Variants in TUSC3 observed in about 807,000 individuals in gnomAD.
TUSC3 encodes the protein tumor suppressor candidate 3, also known as dolichyl-diphosphooligosaccharide--protein glycosyltransferase subunit TUSC3.
A neutral mutation model predicts 44.8 loss-of-function variants in TUSC3; 45 were observed. That is an observed-to-expected ratio of 1.00 (90% confidence interval 0.79 to 1.29). The LOEUF (loss-of-function observed/expected upper bound fraction) is 1.29, where lower values mean the gene tolerates loss of function less well. Among genes scored for constraint, TUSC3 ranks in the 50% most tolerant of loss-of-function variants. The probability of loss-of-function intolerance (pLI) is 0.00; values close to 1 mark genes in which losing one functional copy is unlikely to be tolerated. For missense variants in TUSC3, 519 were observed against 437.9 expected (o/e 1.19, Z -1.65); for synonymous variants, 212 against 152.9 (o/e 1.39, Z -2.85).
At chr8:15,830,287 T>C in the TUSC3 span, among the ~76,000 whole-genome samples, 1 of 152,226 alleles carries the variant, frequency 6.6e-6, no homozygotes, top group African/African-American at 2.4e-5. Context: ...ACATAATCTC[T>C]TTAAGTCTCA....
chr8:15,681,464 G>A (rs1289117288), intron 6 of TUSC3, among the ~76,000 whole-genome samples: 1 of 151,514 alleles, frequency 6.6e-6, no homozygotes, highest in African/African-American at 2.4e-5. Context: ...GTGCAACAAG[G>A]TATTAATATA....
chr8:15,451,855 G>T (rs1476997595), intron 1 of TUSC3, among the ~76,000 whole-genome samples: 1 of 152,042 alleles, frequency 6.6e-6, no homozygotes, highest in Non-Finnish European at 1.5e-5. Context: ...ATTGCTTTGT[G>T]TGGGGGAAAA....
chr8:15,753,726 A>T (rs1192417035), intron 9 of TUSC3, among the ~76,000 whole-genome samples: 3 of 152,062 alleles, frequency 2.0e-5, no homozygotes, highest in African/African-American at 7.2e-5. Context: ...CTGCCTGACA[A>T]ACATCGAAAA....
intron 1 of TUSC3, among the ~76,000 whole-genome samples, chr8:15,428,909 A>G (rs909592109): frequency 2.0e-5 from 3 of 152,064 alleles, no homozygotes; most frequent in African/African-American, 7.2e-5. Flanking sequence ...AATTTCTCCC[A>G]TTCTGTAGGT....
chr8:15,836,143 TA>T, the TUSC3 span, among the ~76,000 whole-genome samples: 1 of 135,630 alleles, frequency 7.4e-6, no homozygotes, highest in African/African-American at 2.7e-5. Flanking sequence ...ATTATAAAAT[TA>T]TTTTTTTTTG....
intron 1 of TUSC3, among the ~76,000 whole-genome samples, chr8:15,555,986 A>T (rs1408590178): frequency 6.6e-6 from 1 of 150,998 alleles, no homozygotes; most frequent in Non-Finnish European, 1.5e-5. Flanking sequence ...AATCAATTTT[A>T]TTTTTTATTT....
Position 15,462,567 on chromosome 8 carries a change from C to A in TUSC3, n.92-20819C>A, listed in dbSNP as rs113038218. On this transcript the variant is annotated intron_variant and non_coding_transcript_variant, in intron 1 of 5. Transcript: ENST00000503191. ...AAATTCATTTTCAGAATTTGGGAAG[C>A]TTTCCTGCCTTAAAGTGCACTATTT... 7.1e-4 allele frequency among the ~76,000 whole-genome samples: 108 copies of A among 152,114 alleles called. 1 individual carries two copies. The highest frequency in any genetic ancestry group is 2.4e-3 in the African/African-American group (100 of 41,538).
intron 7 of TUSC3, among the ~76,000 whole-genome samples, chr8:15,738,827 CTTTT>C (rs375655033): frequency 3.4e-5 from 3 of 87,172 alleles, no homozygotes; most frequent in Admixed American, 3.1e-4. Context: ...ATATATCTTG[CTTTT>C]TTTTTTTTTT....
At chr8:15,757,177 A>G (rs760396434) in intron 9 of TUSC3, among the ~76,000 whole-genome samples, 45 of 152,166 alleles carry the variant, frequency 3.0e-4, no homozygotes, top group Non-Finnish European at 4.9e-4. Flanking sequence ...CGCAGTTCCA[A>G]TTCTAAGCTG....
At position 15,659,997 on chromosome 8, in the gene TUSC3, A is replaced by G. The variant is rs80125478; in HGVS notation, c.567+350A>G. Among the ~76,000 whole-genome samples the G allele has an allele frequency of 5.0e-3, 765 of 152,190 alleles. 19 individuals carry two copies. In the East Asian group the frequency reaches 0.074, roughly 15 times the overall value. On this transcript the variant is annotated intron_variant, in intron 4 of 10. Transcript: ENST00000503731. ...TAATCTATCTTTTGGTCAAACAGAA[A>G]AGGTTAATACCCACCTTAAAGCTAC...
intron 1 of TUSC3, among the ~76,000 whole-genome samples, chr8:15,564,793 C>T (rs1278107653): frequency 6.6e-6 from 1 of 152,038 alleles, no homozygotes; most frequent in East Asian, 1.9e-4. Context: ...CACGCTTGTG[C>T]TGGAGTGTCC....
intron 7 of TUSC3, among the ~76,000 whole-genome samples, chr8:15,736,959 A>G (rs1264638081): frequency 6.6e-6 from 1 of 152,188 alleles, no homozygotes; most frequent in Non-Finnish European, 1.5e-5. Context: ...ATGACATGAA[A>G]TAAATATTAG....
At chr8:15,706,901 C>G (rs1403218588) in intron 6 of TUSC3, among the ~76,000 whole-genome samples, 2 of 151,812 alleles carry the variant, frequency 1.3e-5, no homozygotes, top group African/African-American at 4.8e-5. Context: ...TTGTAGGGCG[C>G]AAGAAGTTCA....
chr8:15,586,584 A>G (rs1803613393), intron 1 of TUSC3, among the ~76,000 whole-genome samples: 1 of 152,146 alleles, frequency 6.6e-6, no homozygotes, highest in Non-Finnish European at 1.5e-5. Flanking sequence ...CTAGATCAGG[A>G]GCGCTAGAGG....
intron 1 of TUSC3, among the ~76,000 whole-genome samples, chr8:15,541,376 T>G (rs1801685931): frequency 6.6e-6 from 1 of 152,246 alleles, no homozygotes; most frequent in Non-Finnish European, 1.5e-5. Flanking sequence ...TTCGGGAATG[T>G]GACTAGGGTT....
chr8:15,747,810 T>TC (rs1811486160), intron 8 of TUSC3, among the ~76,000 whole-genome samples: 1 of 152,098 alleles, frequency 6.6e-6, no homozygotes, highest in Admixed American at 6.6e-5. Context: ...GGGAGTTTTC[T>TC]CCCCTCTGGT....
Position 15,423,992 on chromosome 8 carries a change from T to G in TUSC3, n.91+6687T>G, listed in dbSNP as rs1288587122. ...TTGTTTTTTTTTTTTTTTTTTTTTTTTTTTTTTTTTTTTTTGAGAAGGAGT... is the reference window on the plus strand; with the variant it reads ...TTGTTTTTTTTTTTTTTTTTTTTTTGTTTTTTTTTTTTTTTGAGAAGGAGT... On this transcript the variant is annotated intron_variant and non_coding_transcript_variant, in intron 1 of 5. Transcript: ENST00000503191. Among the ~76,000 whole-genome samples the G allele has an allele frequency of 1.4e-3, 194 of 134,154 alleles. 14 individuals are homozygous for G. The highest frequency in any genetic ancestry group is 4.8e-3 in the African/African-American group (178 of 37,248). The allele number at this position is 134,154 out of a possible 152,430, so 88.0% of individuals were successfully genotyped here.
chr8:15,469,055 A>C (rs1453488579), intron 1 of TUSC3, among the ~76,000 whole-genome samples: 1 of 152,194 alleles, frequency 6.6e-6, no homozygotes, highest in Non-Finnish European at 1.5e-5. Context: ...GTCAGAATAA[A>C]AACGAGAAGG....
At chr8:15,811,768 T>G in the TUSC3 span, among the ~76,000 whole-genome samples, 1 of 152,172 alleles carries the variant, frequency 6.6e-6, no homozygotes, top group Non-Finnish European at 1.5e-5. Context: ...GATAATATAG[T>G]AAAGGTTAAA....
Sources: gnomAD v4.1 joint callset for allele counts (sites outside exome capture counted in the v4.1 genomes callset) on GRCh38, gnomAD v4.1.1 for gene constraint, MANE v1.5 for transcripts, NCBI Gene and HGNC (gene_info 2026-07-23, HGNC 2026-07-21) for gene names.